The following EFNA3 variants were observed in gnomAD, a reference collection of about 807,000 sequenced individuals.
EFNA3 encodes ephrin-A3.
In EFNA3, 15 loss-of-function variants were observed where a neutral mutation model predicts 25.0. The ratio of observed to expected loss-of-function variants is 0.60; its 90% CI spans 0.40 to 0.92. EFNA3 has a LOEUF of 0.92. EFNA3 is among the 40% of genes least tolerant of loss of function. The pLI, the probability that EFNA3 is intolerant of heterozygous loss-of-function variation, is 0.00. For missense variants in EFNA3, 298 were observed against 323.8 expected (o/e 0.92, Z 0.61); for synonymous variants, 153 against 145.6 (o/e 1.05, Z -0.37).
intron 1 of EFNA3, among the ~76,000 whole-genome samples, chr1:155,082,316 G>A (rs767524898): frequency 3.3e-5 from 5 of 152,208 alleles, no homozygotes; most frequent in Non-Finnish European, 7.4e-5. Flanking sequence ...ACCGGGGCTG[G>A]GGGTGGAGGA....
rs1005097726 is a variant in EFNA3 at position 155,086,000 on chromosome 1, C to T, written c.508+58C>T. 8.9e-6 allele frequency: 14 copies of T among 1,578,334 alleles called. No individual in the cohort carries two copies. The highest frequency in any genetic ancestry group is 1.2e-5 in the Non-Finnish European group (14 of 1,162,400). On this transcript the variant is annotated intron_variant, in intron 3 of 4. Transcript: ENST00000368408. The surrounding 1 kb of genome is among the most constrained non-coding windows in gnomAD (Gnocchi z 4.4). ...TCCTCAGCTCCCTGCTTTGGGGCTC[C>T]CCTGGCTTCCTGGGGGTGGGGGCGG...
intron 1 of EFNA3, among the ~76,000 whole-genome samples, chr1:155,083,788 C>G (rs180815714): frequency 9.2e-4 from 140 of 152,320 alleles, no homozygotes; most frequent in Middle Eastern, 3.4e-3. Flanking sequence ...AGTCTCTCCC[C>G]CCAGGGAGCT....
At chr1:155,083,854 T>G (rs1663389233) in intron 1 of EFNA3, among the ~76,000 whole-genome samples, 1 of 152,226 alleles carries the variant, frequency 6.6e-6, no homozygotes, top group Admixed American at 6.5e-5. Context: ...CATGCCTTTC[T>G]GTGTCCACCA....
In EFNA3 at chr1:155,086,785, G is replaced by GGGGCCAAAC. The variant is rs1663474363; in HGVS notation, c.*242_*243insGGGCCAAAC. On this transcript the variant is annotated 3_prime_UTR_variant, in exon 5 of 5. Transcript: ENST00000368408. ...GGCCTTGTGGCTCTGGTAATGTTTG[G>GGGGCCAAAC]TACCAAACTTGGGGGCCAAAAAGGG... 2.0e-6 allele frequency: 1 copy of GGGGCCAAAC among 497,998 alleles called. No homozygotes were observed. Among genetic ancestry groups the GGGGCCAAAC allele is most frequent in the East Asian group, 3.6e-5 (1 of 27,910 alleles). The allele number at this position is 497,998 out of a possible 1,614,324, so 30.8% of individuals were successfully genotyped here.
In EFNA3 at chr1:155,078,848, G is replaced by T; in HGVS notation, c.-94G>T. 7.7e-7 allele frequency: 1 copy of T among 1,293,066 alleles called. No individual in the cohort carries two copies. The highest frequency in any genetic ancestry group is 9.8e-7 in the Non-Finnish European group (1 of 1,022,790). The allele number at this position is 1,293,066 out of a possible 1,614,324, so 80.1% of individuals were successfully genotyped here. On this transcript the variant is annotated 5_prime_UTR_variant, in exon 1 of 5. Coordinates refer to ENST00000368408, the MANE Select transcript of EFNA3 (RefSeq NM_004952.5). ...AGGGCTGGGGGCGTGGCCTAAGGCT[G>T]GGGGCCGACGGCGGCGGCAGCAGGG...
intron 4 of EFNA3, 43 bp from the exon 5 acceptor site, chr1:155,086,369 GC>G: frequency 6.2e-7 from 1 of 1,608,090 alleles, no homozygotes; most frequent in South Asian, 1.1e-5. Flanking sequence ...CTGCCCTGGC[GC>G]GCAACCCAGC....
At chr1:155,083,801 C>T (rs1467372053) in intron 1 of EFNA3, among the ~76,000 whole-genome samples, 1 of 152,234 alleles carries the variant, frequency 6.6e-6, no homozygotes, top group Admixed American at 6.5e-5. Flanking sequence ...AGGGAGCTCC[C>T]AGGGACTAGG....
rs146693516 is a variant in EFNA3 at position 155,081,710 on chromosome 1, G to C, written c.128+2641G>C. Reference sequence around the variant, plus strand: ...GTCTGTGGGCCTCTCTGGCCTGCCTGTCTCTCCTGTTCTCCAAGACTCTCG... The same window carrying C: ...GTCTGTGGGCCTCTCTGGCCTGCCTCTCTCTCCTGTTCTCCAAGACTCTCG... On this transcript the variant is annotated intron_variant, in intron 1 of 4. Coordinates refer to ENST00000368408, the MANE Select transcript of EFNA3 (RefSeq NM_004952.5). The surrounding 1 kb of genome is among the most constrained non-coding windows in gnomAD (Gnocchi z 5.2). Among the ~76,000 whole-genome samples, 11 of 152,056 alleles carry C rather than the reference G, an allele frequency of 7.2e-5. No homozygotes were observed. The highest frequency in any genetic ancestry group is 2.2e-4 in the African/African-American group (9 of 41,446).
chr1:155,081,006 A>ACAGGCTCCCGCGCCC lies in EFNA3; in HGVS notation c.128+1939_128+1953dup, dbSNP rs1339387841. ...AGCTGGGGGCGGGGCCGACCGAGCCACAGGCTCCCGCGCCCCCTCCCCCTA... is the reference window on the plus strand; with the variant it reads ...AGCTGGGGGCGGGGCCGACCGAGCCACAGGCTCCCGCGCCCCAGGCTCCCGCGCCCCCTCCCCCTA... On this transcript the variant is annotated intron_variant, in intron 1 of 4. Transcript: ENST00000368408. The surrounding 1 kb of genome is among the most constrained non-coding windows in gnomAD (Gnocchi z 5.2). 1.3e-5 allele frequency among the ~76,000 whole-genome samples: 2 copies of ACAGGCTCCCGCGCCC among 151,878 alleles called. 1 individual carries two copies. Among genetic ancestry groups the ACAGGCTCCCGCGCCC allele is most frequent in the South Asian group, 4.2e-4 (2 of 4,814 alleles).
chr1:155,085,835 A>G lies in EFNA3; in HGVS notation c.443-42A>G. On this transcript the variant is annotated intron_variant, in intron 2 of 4. Coordinates refer to ENST00000368408, the MANE Select transcript of EFNA3 (RefSeq NM_004952.5). This position sits in a 1 kb window ranked among gnomAD's most constrained non-coding sequence, Gnocchi z 4.4. ...AGAGCCGTCGAGGGAGGGCACAGGC[A>G]CACATTGGGCGAAAGTGACTCAGGC... 6.2e-7 allele frequency: 1 copy of G among 1,608,020 alleles called. No individual in the cohort carries two copies. Among genetic ancestry groups the G allele is most frequent in the Non-Finnish European group, 8.5e-7 (1 of 1,176,816 alleles).
chr1:155,085,064 C>T lies in EFNA3; in HGVS notation c.129-27C>T. ...GCGGCTTTGCTCTGGGGTTTCTTCT[C>T]TCTGAGCCGCTTCCTCTTCCCCACA... On this transcript the variant is annotated intron_variant, in intron 1 of 4. Coordinates refer to ENST00000368408, the MANE Select transcript of EFNA3 (RefSeq NM_004952.5). This position sits in a 1 kb window ranked among gnomAD's most constrained non-coding sequence, Gnocchi z 4.4. 6.2e-7 allele frequency: 1 copy of T among 1,611,522 alleles called. No individual in the cohort carries two copies. The highest frequency in any genetic ancestry group is 8.5e-7 in the Non-Finnish European group (1 of 1,179,154).
intron 1 of EFNA3, among the ~76,000 whole-genome samples, chr1:155,083,212 G>A (rs1230141927): frequency 6.6e-6 from 1 of 152,188 alleles, no homozygotes; most frequent in Non-Finnish European, 1.5e-5. Context: ...CGGTACAGCA[G>A]GGAGGGGCTG....
intron 1 of EFNA3, among the ~76,000 whole-genome samples, chr1:155,082,474 A>G (rs1558144784): frequency 6.6e-6 from 1 of 152,110 alleles, no homozygotes; most frequent in Admixed American, 6.5e-5. Flanking sequence ...CCCTCCGCGG[A>G]CACTCCGGGT....
rs149616426 is a variant in EFNA3 at position 155,085,022 on chromosome 1, G to A, written c.129-69G>A. 2.6e-5 allele frequency: 40 copies of A among 1,548,724 alleles called. No homozygotes were observed. Among genetic ancestry groups the A allele is most frequent in the African/African-American group, 8.2e-5 (6 of 72,946 alleles). ...ACGCGGACCCTGGGGAGGGGCTGCG[G>A]AGCGGTCAGATGGAAAGCGGCTTTG... On this transcript the variant is annotated intron_variant, in intron 1 of 4. Transcript: ENST00000368408. This position sits in a 1 kb window ranked among gnomAD's most constrained non-coding sequence, Gnocchi z 4.4.
Position 155,086,210 on chromosome 1 carries a change from G to A in EFNA3, c.586+5G>A. 1 of 1,613,742 alleles carries A rather than the reference G, an allele frequency of 6.2e-7. No individual in the cohort carries two copies. The highest frequency in any genetic ancestry group is 1.3e-5 in the African/African-American group (1 of 74,984). ...ATGTGAAGATCAACGTGCTGGGTGA[G>A]TCTGCGCAGCGCCCTCTGGTGGCCA... On this transcript the variant is annotated splice_donor_5th_base_variant and intron_variant, in intron 4 of 4. Transcript: ENST00000368408.
chr1:155,086,560 G>T lies in EFNA3; in HGVS notation c.*17G>T, dbSNP rs538270136. On this transcript the variant is annotated 3_prime_UTR_variant, in exon 5 of 5. Transcript: ENST00000368408. The stretch of plus-strand genomic sequence containing the variant: ...GCCTCCTAGCTCTGCCCCCTCCCCT[G>T]GGGGGGGAGAGATGGGGCGGGGCTT... 14 of 1,559,704 alleles carry T rather than the reference G, an allele frequency of 9.0e-6. No individual in the cohort carries two copies. The highest frequency in any genetic ancestry group is 3.5e-5 in the Admixed American group (2 of 56,730).
In EFNA3 at chr1:155,080,541, C is replaced by T. The variant is rs1045060095; in HGVS notation, c.128+1472C>T. On this transcript the variant is annotated intron_variant, in intron 1 of 4. Transcript: ENST00000368408. This position sits in a 1 kb window ranked among gnomAD's most constrained non-coding sequence, Gnocchi z 7.0. ...CCTCCCCCAGACTCACACGTCCGCC[C>T]CCCACCCCGCTAGAGTCTGGCGGGG... Among the ~76,000 whole-genome samples, 1 of 152,192 alleles carries T rather than the reference C, an allele frequency of 6.6e-6. No homozygotes were observed. The highest frequency in any genetic ancestry group is 2.4e-5 in the African/African-American group (1 of 41,476).
rs1308493628 is a variant in EFNA3 at position 155,086,712 on chromosome 1, T to TA, written c.*170dup. Reference sequence around the variant, plus strand: ...GCCCCCTCTACCCCTTCCCCCCACGTAGGGCACTGTAGTGGACCAAGCACG... The same window carrying TA: ...GCCCCCTCTACCCCTTCCCCCCACGTAAGGGCACTGTAGTGGACCAAGCACG... On this transcript the variant is annotated 3_prime_UTR_variant, in exon 5 of 5. Coordinates refer to ENST00000368408, the MANE Select transcript of EFNA3 (RefSeq NM_004952.5). 3 of 803,806 alleles carry TA rather than the reference T, an allele frequency of 3.7e-6. No homozygotes were observed. Among genetic ancestry groups the TA allele is most frequent in the Non-Finnish European group, 5.7e-6 (3 of 524,288 alleles). 49.8% of individuals were successfully genotyped at this position (803,806 alleles called of 1,614,324 possible).
In EFNA3 at chr1:155,085,878, C is replaced by T. The variant is rs1480098258; in HGVS notation, c.444C>T (p.Ser148=). The T allele has an allele frequency of 1.2e-6, 2 of 1,613,344 alleles. No homozygotes were observed. The highest frequency in any genetic ancestry group is 1.7e-6 in the Non-Finnish European group (2 of 1,179,688). ...FHAGHEYYYI[S]TPTHNLHWKC... Reference sequence around the variant, plus strand: ...ACTCAGGCCCGGTCTCCTCCCCAGCCACGCCCACTCACAACCTGCACTGGA... The same window carrying T: ...ACTCAGGCCCGGTCTCCTCCCCAGCTACGCCCACTCACAACCTGCACTGGA... Residue 148 remains serine (S), a splice_region_variant and synonymous_variant, in exon 3 of 5, where the codon TCC becomes TCT. Transcript: ENST00000368408. The surrounding 1 kb of genome is among the most constrained non-coding windows in gnomAD (Gnocchi z 4.4).
Sources: gnomAD v4.1 joint callset for allele counts (sites outside exome capture counted in the v4.1 genomes callset) on GRCh38, gnomAD v4.1.1 for gene constraint, Gnocchi (gnomAD v3.1) non-coding constraint, MANE v1.5 for transcripts, NCBI Gene and HGNC (gene_info 2026-07-23, HGNC 2026-07-21) for gene names.